The following RIMS2 variants were observed in gnomAD, a reference collection of about 807,000 sequenced individuals.
The protein encoded by RIMS2 is regulating synaptic membrane exocytosis protein 2.
In RIMS2, 59 loss-of-function variants were observed where a neutral mutation model predicts 174.4. The ratio of observed to expected loss-of-function variants is 0.34; its 90% CI spans 0.27 to 0.42. RIMS2 has a LOEUF of 0.42. Among genes scored for constraint, RIMS2 ranks in the 10% least tolerant of loss-of-function variants. RIMS2 has a pLI of 1.00. For synonymous variants in RIMS2, 606 were observed against 572.5 expected (o/e 1.06, Z -0.84); for missense variants, 1,620 against 1,666.3 (o/e 0.97, Z 0.48).
At chr8:103,505,301 G>A (rs1822919730) in intron 1 of RIMS2, among the ~76,000 whole-genome samples, 1 of 152,168 alleles carries the variant, frequency 6.6e-6, no homozygotes, top group Non-Finnish European at 1.5e-5. Flanking sequence ...ATGTGTGTAT[G>A]TGTGTGCTCA....
chr8:104,133,987 G>A (rs2098496217), intron 19 of RIMS2, among the ~76,000 whole-genome samples: 1 of 151,982 alleles, frequency 6.6e-6, no homozygotes. Flanking sequence ...TAGATATGAA[G>A]TTCAGAAAGA....
chr8:103,807,270 G>A (rs2098656365), intron 3 of RIMS2, among the ~76,000 whole-genome samples: 1 of 152,080 alleles, frequency 6.6e-6, no homozygotes, highest in South Asian at 2.1e-4. Flanking sequence ...GGAATGAAGA[G>A]TAAAAATGGT....
intron 19 of RIMS2, among the ~76,000 whole-genome samples, chr8:104,208,983 G>A (rs975300380): frequency 6.6e-6 from 1 of 152,130 alleles, no homozygotes; most frequent in Non-Finnish European, 1.5e-5. Flanking sequence ...TTAGAAACAG[G>A]TCATAAAACT....
chr8:103,793,715 A>C (rs184417625), intron 3 of RIMS2, among the ~76,000 whole-genome samples: 238 of 152,338 alleles, frequency 1.6e-3, no homozygotes, highest in Non-Finnish European at 2.5e-3. Flanking sequence ...CCTTAAGCTG[A>C]TAAGCAACTT....
intron 4 of RIMS2, among the ~76,000 whole-genome samples, chr8:103,900,937 G>T (rs756835912): frequency 1.9e-4 from 29 of 151,984 alleles, no homozygotes; most frequent in Admixed American, 4.6e-4. Flanking sequence ...TATAGATTGG[G>T]CATATCTTCA....
chr8:103,893,176 A>G (rs1008084450), intron 4 of RIMS2, among the ~76,000 whole-genome samples: 17 of 152,100 alleles, frequency 1.1e-4, no homozygotes, highest in African/African-American at 2.4e-5. Context: ...TCAAATGTCA[A>G]TAATATGTAA....
At chr8:103,509,744 T>C (rs993031327) in intron 1 of RIMS2, among the ~76,000 whole-genome samples, 2 of 152,036 alleles carry the variant, frequency 1.3e-5, no homozygotes, top group Non-Finnish European at 2.9e-5. Flanking sequence ...AATATATTAT[T>C]TTACCTACTT....
At chr8:103,539,700 TCTC>T (rs774900614) in intron 1 of RIMS2, among the ~76,000 whole-genome samples, 3 of 152,078 alleles carry the variant, frequency 2.0e-5, no homozygotes, top group Non-Finnish European at 4.4e-5. Flanking sequence ...TGTATATTCT[TCTC>T]CTGCCCAAGA....
chr8:104,242,339 C>T lies in RIMS2; in HGVS notation c.3335-2577C>T, dbSNP rs572368623. ...CCTAATAAGAAAATTCTTTATAATA[C>T]GTGTCATTATGCACCTTAAAAAATA... is the stretch of plus-strand genomic sequence containing the variant. On this transcript the variant is annotated intron_variant, in intron 19 of 23. Coordinates refer to ENST00000504942, the Ensembl canonical transcript of RIMS2. 9.2e-5 allele frequency among the ~76,000 whole-genome samples: 14 copies of T among 152,194 alleles called. No individual in the cohort carries two copies. In the East Asian group the frequency reaches 2.3e-3, roughly 25 times the overall value.
Position 104,172,371 on chromosome 8 carries a change from CA to C in RIMS2, c.3335-72536del, listed in dbSNP as rs910522155. Among the ~76,000 whole-genome samples, 21 of 150,814 alleles carry C rather than the reference CA, an allele frequency of 1.4e-4. No homozygotes were observed. In the East Asian group the frequency reaches 1.9e-3, roughly 14 times the overall value. On this transcript the variant is annotated intron_variant, in intron 19 of 23. Coordinates refer to ENST00000504942, the Ensembl canonical transcript of RIMS2. ...ATGGGAGGTACCAACTGTAAAGAAACAAAAAAAAAGCTCTAGTTTTGGGGCT... is the reference window on the plus strand; with the variant it reads ...ATGGGAGGTACCAACTGTAAAGAAACAAAAAAAAGCTCTAGTTTTGGGGCT...
intron 3 of RIMS2, among the ~76,000 whole-genome samples, chr8:103,877,377 C>T (rs1228700091): frequency 2.6e-5 from 4 of 151,756 alleles, no homozygotes. Flanking sequence ...ATGTCCTTAG[C>T]CCACTTTTTG....
intron 14 of RIMS2, among the ~76,000 whole-genome samples, chr8:103,952,916 T>C (rs919625846): frequency 1.3e-5 from 2 of 152,102 alleles, no homozygotes; most frequent in Admixed American, 6.5e-5. Context: ...GAGAAGAACA[T>C]AAATGACCTG....
chr8:104,034,095 T>C (rs1303756979), intron 19 of RIMS2, among the ~76,000 whole-genome samples: 1 of 152,196 alleles, frequency 6.6e-6, no homozygotes, highest in East Asian at 1.9e-4. Flanking sequence ...TCAGAAAAAC[T>C]GTATGGGAAT....
At chr8:103,608,422 G>T (rs1177269368) in intron 1 of RIMS2, among the ~76,000 whole-genome samples, 1 of 144,282 alleles carries the variant, frequency 6.9e-6, no homozygotes, top group East Asian at 1.9e-4. Flanking sequence ...ATTTAAGTCT[G>T]CAGAGGTTAC....
At chr8:103,997,195 G>T (rs1295555672) in intron 17 of RIMS2, among the ~76,000 whole-genome samples, 1 of 151,802 alleles carries the variant, frequency 6.6e-6, no homozygotes, top group African/African-American at 2.4e-5. Flanking sequence ...AAATGAGCGA[G>T]ATACAGTGGC....
intron 3 of RIMS2, among the ~76,000 whole-genome samples, chr8:103,820,949 T>C (rs2098748348): frequency 6.6e-6 from 1 of 151,432 alleles, no homozygotes; most frequent in Non-Finnish European, 1.5e-5. Context: ...AAGTATTGCT[T>C]TCTAAAAATT....
At chr8:103,788,649 C>T (rs1264391301) in intron 3 of RIMS2, among the ~76,000 whole-genome samples, 2 of 151,966 alleles carry the variant, frequency 1.3e-5, no homozygotes, top group Non-Finnish European at 2.9e-5. Context: ...CAGCTGCGTG[C>T]TGGGAGAACC....
chr8:104,103,228 G>A (rs1454100063), intron 19 of RIMS2, among the ~76,000 whole-genome samples: 1 of 152,104 alleles, frequency 6.6e-6, no homozygotes, highest in African/African-American at 2.4e-5. Context: ...GGGGTTAAGG[G>A]GAAAGGAGAC....
chr8:104,125,539 G>A (rs893686993), intron 19 of RIMS2, among the ~76,000 whole-genome samples: 3 of 152,152 alleles, frequency 2.0e-5, no homozygotes, highest in African/African-American at 7.2e-5. Context: ...AAGAGCTTGA[G>A]TAAAGTGTTA....
Sources: gnomAD v4.1 joint callset for allele counts (sites outside exome capture counted in the v4.1 genomes callset) on GRCh38, gnomAD v4.1.1 for gene constraint, MANE v1.5 for transcripts, NCBI Gene and HGNC (gene_info 2026-07-23, HGNC 2026-07-21) for gene names.